NPAS2: variants seen among roughly 807,000 people sequenced by gnomAD.
NPAS2 encodes the protein neuronal PAS domain-containing protein 2.
A neutral mutation model predicts 107.5 loss-of-function variants in NPAS2; 23 were observed. That is an observed-to-expected ratio of 0.21 (90% CI 0.15 to 0.30). The LOEUF is 0.30. NPAS2 is among the 10% of genes least tolerant of loss of function. The pLI is 1.00. For synonymous variants in NPAS2, 403 were observed against 417.5 expected (o/e 0.97, Z 0.42); for missense variants, 756 against 1,043.3 (o/e 0.72, Z 3.79).
At chr2:100,984,856 G>A (rs2105294694) in intron 16 of NPAS2, 1 of 150,818 alleles carries the variant, frequency 6.6e-6, no homozygotes. Context: ...ATGTGCCTGT[G>A]ATGCTTACTA....
At chr2:100,887,833 G>A (rs1253020301) in intron 1 of NPAS2, among the ~76,000 whole-genome samples, 10 of 152,158 alleles carry the variant, frequency 6.6e-5, no homozygotes, top group Admixed American at 3.9e-4. Context: ...GCCCCTCTCC[G>A]CGAACGGGCC....
At chr2:100,834,126 T>TGGTG (rs1401288510) in intron 1 of NPAS2, among the ~76,000 whole-genome samples, 1 of 152,178 alleles carries the variant, frequency 6.6e-6, no homozygotes, top group Non-Finnish European at 1.5e-5. Context: ...GACCCCTTCC[T>TGGTG]GGTGGCTCAG....
At chr2:100,975,998 G>C (rs1676974416) in intron 14 of NPAS2, among the ~76,000 whole-genome samples, 4 of 152,156 alleles carry the variant, frequency 2.6e-5, no homozygotes, top group Non-Finnish European at 5.9e-5. Context: ...GATCCTTCCA[G>C]AACATCGGGA....
intron 12 of NPAS2, among the ~76,000 whole-genome samples, chr2:100,973,407 G>A (rs551081129): frequency 5.9e-5 from 9 of 152,272 alleles, no homozygotes; most frequent in African/African-American, 1.9e-4. Context: ...TTCCTGGACC[G>A]ACTTCTCTGC....
intron 1 of NPAS2, among the ~76,000 whole-genome samples, chr2:100,864,546 G>C (rs1028087475): frequency 6.6e-6 from 1 of 152,150 alleles, no homozygotes; most frequent in Non-Finnish European, 1.5e-5. Context: ...TGAAACTCTG[G>C]AGCCATTTCT....
chr2:100,935,964 C>G (rs1684274220), intron 4 of NPAS2, among the ~76,000 whole-genome samples: 1 of 152,156 alleles, frequency 6.6e-6, no homozygotes, highest in African/African-American at 2.4e-5. Flanking sequence ...TTTGGCAGCA[C>G]TAGATGCCAA....
chr2:100,923,133 C>T (rs779087197), intron 2 of NPAS2, among the ~76,000 whole-genome samples: 10 of 152,162 alleles, frequency 6.6e-5, no homozygotes, highest in Non-Finnish European at 1.0e-4. Context: ...CAACAAGACT[C>T]CGCAACATCT....
intron 2 of NPAS2, among the ~76,000 whole-genome samples, chr2:100,911,577 A>C (rs574146115): frequency 2.0e-5 from 3 of 152,152 alleles, no homozygotes; most frequent in Non-Finnish European, 4.4e-5. Context: ...CCACCTGGAG[A>C]TAGCCACTGT....
At chr2:100,955,115 T>C (rs1276779169) in intron 7 of NPAS2, among the ~76,000 whole-genome samples, 1 of 152,152 alleles carries the variant, frequency 6.6e-6, no homozygotes, top group Admixed American at 6.5e-5. Context: ...TGACCTCAGG[T>C]GACCCCACCT....
At chr2:100,840,413 C>A (rs1055982958) in intron 1 of NPAS2, among the ~76,000 whole-genome samples, 1 of 152,056 alleles carries the variant, frequency 6.6e-6, no homozygotes, top group African/African-American at 2.4e-5. Context: ...TATTGAACTG[C>A]GCTGAAGGAC....
intron 2 of NPAS2, among the ~76,000 whole-genome samples, chr2:100,914,780 G>A (rs1214691568): frequency 2.0e-5 from 3 of 152,194 alleles, no homozygotes; most frequent in Non-Finnish European, 4.4e-5. Context: ...GTAAGATGGA[G>A]TTAGCCTACT....
intron 12 of NPAS2, among the ~76,000 whole-genome samples, chr2:100,973,343 G>C (rs528764153): frequency 7.6e-4 from 115 of 152,298 alleles, no homozygotes; most frequent in African/African-American, 2.4e-3. Context: ...GTGTGTGGAC[G>C]TGATGTGCAG....
At chr2:100,986,530 G>C (rs1308181523) in intron 16 of NPAS2, 4 of 152,274 alleles carry the variant, frequency 2.6e-5, no homozygotes, top group African/African-American at 9.6e-5. Flanking sequence ...CAGGCTAAGG[G>C]CCTGATGGAC....
At chr2:100,823,599 C>A (rs1475896049) in intron 1 of NPAS2, 1 of 152,254 alleles carries the variant, frequency 6.6e-6, no homozygotes, top group Non-Finnish European at 1.5e-5. Flanking sequence ...GCATTTCTCA[C>A]AGCTACCAGA....
At chr2:100,910,523 CT>C (rs5832943) in intron 2 of NPAS2, among the ~76,000 whole-genome samples, 18,382 of 138,312 alleles carry the variant, frequency 0.13, 1,794 homozygotes, top group East Asian at 0.33. Context: ...ATGACATCTT[CT>C]TTTTTTTTTT....
chr2:100,947,415 G>A (rs1674965805), intron 5 of NPAS2, among the ~76,000 whole-genome samples: 2 of 152,064 alleles, frequency 1.3e-5, no homozygotes, highest in African/African-American at 4.8e-5. Context: ...GCCGGCCATG[G>A]TGGCAAACAC....
chr2:100,891,630 C>G lies in NPAS2; in HGVS notation c.-22-13103C>G, dbSNP rs550053842. 2.6e-5 allele frequency among the ~76,000 whole-genome samples: 4 copies of G among 152,252 alleles called. No homozygotes were observed. The South Asian group carries it at 6.2e-4, about 24-fold the overall frequency. ...GAAGGCAAGAGCACTGAGGACATTTCAACCTAGATCTGGCTAGTTTCCAAA... is the reference window on the plus strand; with the variant it reads ...GAAGGCAAGAGCACTGAGGACATTTGAACCTAGATCTGGCTAGTTTCCAAA... On this transcript the variant is annotated intron_variant, in intron 1 of 20. Coordinates refer to ENST00000335681, the MANE Select transcript of NPAS2 (RefSeq NM_002518.4).
chr2:100,952,747 G>A (rs1675307462), intron 7 of NPAS2, among the ~76,000 whole-genome samples: 1 of 150,778 alleles, frequency 6.6e-6, no homozygotes, highest in South Asian at 2.1e-4. Flanking sequence ...GCTTCATTCT[G>A]AATACCTGGG....
chr2:100,990,640 T>A (rs1433831164), intron 18 of NPAS2, 140 bp from the exon 19 acceptor site: 2 of 993,008 alleles, frequency 2.0e-6, no homozygotes, highest in African/African-American at 3.2e-5. Context: ...GCGTCCATCA[T>A]CCTCAGAGAA....
Sources: gnomAD v4.1 joint callset for allele counts (sites outside exome capture counted in the v4.1 genomes callset) on GRCh38, gnomAD v4.1.1 for gene constraint, MANE v1.5 for transcripts, NCBI Gene and HGNC (gene_info 2026-07-23, HGNC 2026-07-21) for gene names.